NLGN1: variants seen among roughly 807,000 people sequenced by gnomAD.
The protein encoded by NLGN1 is neuroligin-1.
A neutral mutation model predicts 65.5 loss-of-function variants in NLGN1; 12 were observed. The ratio of observed to expected loss-of-function variants is 0.18; its 90% CI spans 0.12 to 0.30. The LOEUF is 0.30. Ranked by LOEUF, NLGN1 falls within the 10% of genes least tolerant of loss-of-function variation. The pLI is 1.00. For missense variants in NLGN1, 750 were observed against 1,007.1 expected, an observed-to-expected ratio of 0.74 and a Z score of 3.46; for synonymous variants, 350 against 359.5, an observed-to-expected ratio of 0.97 and a Z score of 0.30.
intron 3 of NLGN1, among the ~76,000 whole-genome samples, chr3:173,623,397 G>A (rs906232783): frequency 7.2e-5 from 11 of 151,988 alleles, no homozygotes; most frequent in Non-Finnish European, 1.5e-4. Context: ...GGGAGGAGGA[G>A]TAATATCTAA....
chr3:174,052,497 A>C (rs1013861240), intron 4 of NLGN1, among the ~76,000 whole-genome samples: 4 of 152,078 alleles, frequency 2.6e-5, no homozygotes, highest in Non-Finnish European at 4.4e-5. Flanking sequence ...TGACCTATTC[A>C]ATTTTTAACT....
chr3:174,293,318 A>G, the NLGN1 span, among the ~76,000 whole-genome samples: 4 of 151,508 alleles, frequency 2.6e-5, no homozygotes, highest in Non-Finnish European at 4.4e-5. Flanking sequence ...CATTTACTTC[A>G]TGATGTTTTT....
At chr3:173,791,324 A>C (rs1378341917) in intron 3 of NLGN1, among the ~76,000 whole-genome samples, 2 of 152,168 alleles carry the variant, frequency 1.3e-5, no homozygotes, top group African/African-American at 2.4e-5. Context: ...CATTAGCCCT[A>C]GCTACTCTTG....
chr3:173,842,636 G>A (rs1257025990), intron 4 of NLGN1, among the ~76,000 whole-genome samples: 1 of 152,212 alleles, frequency 6.6e-6, no homozygotes, highest in Non-Finnish European at 1.5e-5. Context: ...CTCCAAAAAT[G>A]ATCTCCTTTG....
downstream of NLGN1, among the ~76,000 whole-genome samples, chr3:174,288,810 A>G (rs1317475017): frequency 6.6e-6 from 1 of 151,514 alleles, no homozygotes; most frequent in Non-Finnish European, 1.5e-5. Flanking sequence ...ATAACTTGCA[A>G]TACTATTACA....
At chr3:173,488,593 A>AT (rs1197928010) in intron 2 of NLGN1, among the ~76,000 whole-genome samples, 1 of 152,204 alleles carries the variant, frequency 6.6e-6, no homozygotes, top group African/African-American at 2.4e-5. Context: ...GACAGCTTGA[A>AT]TATATATTCC....
Position 174,128,469 on chromosome 3 carries a change from C to T in NLGN1, c.647-146846C>T, listed in dbSNP as rs143666329. Among the ~76,000 whole-genome samples the T allele has an allele frequency of 6.6e-3, 1,005 of 152,258 alleles. 13 individuals are homozygous for T. Among genetic ancestry groups the T allele is most frequent in the Admixed American group, 0.031 (474 of 15,274 alleles). ...TTGGATCCTTACTTGATCCTTACAACGGCTCAGTTGAATGGAAAGAAAGTA... is the reference window on the plus strand; with the variant it reads ...TTGGATCCTTACTTGATCCTTACAATGGCTCAGTTGAATGGAAAGAAAGTA... On this transcript the variant is annotated intron_variant, in intron 4 of 6. Coordinates refer to ENST00000457714, the Ensembl canonical transcript of NLGN1.
At chr3:173,852,117 G>T (rs1176278978) in intron 4 of NLGN1, among the ~76,000 whole-genome samples, 1 of 151,742 alleles carries the variant, frequency 6.6e-6, no homozygotes, top group African/African-American at 2.4e-5. Context: ...AGCACTTTGG[G>T]AGGCCGAGGC....
rs149816670 is a variant in NLGN1, at chr3:173,571,339, A to G, written c.-320-32940A>G. Among the ~76,000 whole-genome samples the G allele has an allele frequency of 3.8e-3, 576 of 152,330 alleles. 1 individual carries two copies. Among genetic ancestry groups the G allele is most frequent in the African/African-American group, 0.013 (561 of 41,580 alleles). ...TGAATAGTGAGGTATTTTTTAAATG[A>G]CTGTTATTCTTAAGGAAAATATTAC... On this transcript the variant is annotated intron_variant, in intron 2 of 6. Coordinates refer to ENST00000457714, the Ensembl canonical transcript of NLGN1.
At chr3:174,165,067 T>A (rs1046898796) in intron 4 of NLGN1, among the ~76,000 whole-genome samples, 3 of 152,110 alleles carry the variant, frequency 2.0e-5, no homozygotes, top group Non-Finnish European at 4.4e-5. Flanking sequence ...TATTCCTAGG[T>A]ATTTTTTGTG....
In NLGN1 at chr3:173,568,197, T is replaced by TCTTTC. The variant is rs138776975; in HGVS notation, c.-320-36067_-320-36063dup. Among the ~76,000 whole-genome samples, 596 of 150,888 alleles carry TCTTTC rather than the reference T, an allele frequency of 3.9e-3. 6 individuals carry two copies. Among genetic ancestry groups the TCTTTC allele is most frequent in the African/African-American group, 0.013 (553 of 41,220 alleles). On this transcript the variant is annotated intron_variant, in intron 2 of 6. Coordinates refer to ENST00000457714, the Ensembl canonical transcript of NLGN1. ...TTCTTTCTTTTCTTCCCTTTTCTTT[T>TCTTTC]CTTTCCTTTCCTTTCCTTTTCCTTT...
chr3:173,962,503 T>C (rs1713842043), intron 4 of NLGN1, among the ~76,000 whole-genome samples: 1 of 152,146 alleles, frequency 6.6e-6, no homozygotes. Flanking sequence ...AACATGAACA[T>C]TTTATTTTTG....
chr3:173,639,265 G>A (rs1249629992), intron 3 of NLGN1, among the ~76,000 whole-genome samples: 1 of 152,166 alleles, frequency 6.6e-6, no homozygotes, highest in Non-Finnish European at 1.5e-5. Context: ...AAGCAGCAAT[G>A]GAATGAGGCA....
chr3:173,945,177 G>C (rs1056270921), intron 4 of NLGN1, among the ~76,000 whole-genome samples: 1 of 151,840 alleles, frequency 6.6e-6, no homozygotes, highest in African/African-American at 2.4e-5. Context: ...TGGAAAATCT[G>C]AAAAAGGTGG....
intron 1 of NLGN1, among the ~76,000 whole-genome samples, chr3:173,410,268 A>T (rs1712241968): frequency 6.6e-6 from 1 of 152,234 alleles, no homozygotes; most frequent in Non-Finnish European, 1.5e-5. Flanking sequence ...TGCCTGGCAC[A>T]TAAAAATGTT....
chr3:173,986,399 G>A (rs550306100), intron 4 of NLGN1, among the ~76,000 whole-genome samples: 8 of 152,150 alleles, frequency 5.3e-5, no homozygotes, highest in African/African-American at 1.9e-4. Flanking sequence ...AACCCAGGAG[G>A]CAGAGGTTGC....
chr3:173,622,569 C>T (rs541575191), intron 3 of NLGN1, among the ~76,000 whole-genome samples: 1 of 151,516 alleles, frequency 6.6e-6, no homozygotes, highest in African/African-American at 2.4e-5. Flanking sequence ...GAAAAATAGT[C>T]CCGGTAAAAA....
intron 4 of NLGN1, among the ~76,000 whole-genome samples, chr3:174,245,430 A>G (rs1222163739): frequency 1.3e-5 from 2 of 152,152 alleles, no homozygotes; most frequent in African/African-American, 4.8e-5. Context: ...TTGGAAAAAT[A>G]TTTTACCGAT....
intron 3 of NLGN1, among the ~76,000 whole-genome samples, chr3:173,752,024 G>A (rs1776374578): frequency 1.3e-5 from 2 of 152,036 alleles, no homozygotes; most frequent in African/African-American, 2.4e-5. Flanking sequence ...TAAGGAAGAG[G>A]CCTCTGAGAA....
Sources: gnomAD v4.1 joint callset for allele counts (sites outside exome capture counted in the v4.1 genomes callset) on GRCh38, gnomAD v4.1.1 for gene constraint, MANE v1.5 for transcripts, NCBI Gene and HGNC (gene_info 2026-07-23, HGNC 2026-07-21) for gene names.